NAALADL2: variants seen among roughly 807,000 people sequenced by gnomAD.
The protein encoded by NAALADL2 is N-acetylated alpha-linked acidic dipeptidase like 2, also known as inactive N-acetylated-alpha-linked acidic dipeptidase-like protein 2.
A neutral mutation model predicts 87.2 loss-of-function variants in NAALADL2; 76 were observed. The observed-to-expected ratio is 0.87, with a 90% CI of 0.72 to 1.05. The LOEUF is 1.05. Among genes scored for constraint, NAALADL2 ranks in the 50% least tolerant of loss-of-function variants. The probability of loss-of-function intolerance (pLI) is 0.00; values close to 1 mark genes in which losing one functional copy is unlikely to be tolerated. For missense variants in NAALADL2, 1,089 were observed against 945.8 expected, an observed-to-expected ratio of 1.15 and a Z score of -1.99; for synonymous variants, 354 against 331.0, an observed-to-expected ratio of 1.07 and a Z score of -0.75.
At chr3:175,015,993 C>A (rs1750758546) in intron 1 of NAALADL2, among the ~76,000 whole-genome samples, 1 of 151,596 alleles carries the variant, frequency 6.6e-6, no homozygotes, top group South Asian at 2.1e-4. Context: ...GGGGGAGGAA[C>A]CTTTTCTTTG....
chr3:175,547,869 C>G (rs1029532251), intron 9 of NAALADL2, among the ~76,000 whole-genome samples: 6 of 151,950 alleles, frequency 3.9e-5, no homozygotes, highest in African/African-American at 1.5e-4. Context: ...TCATACCAGT[C>G]ATAATGGCTA....
chr3:175,315,827 C>G (rs762370635), intron 4 of NAALADL2, among the ~76,000 whole-genome samples: 14 of 152,090 alleles, frequency 9.2e-5, no homozygotes, highest in Non-Finnish European at 1.8e-4. Flanking sequence ...AATGTTCTTA[C>G]TATATATTCC....
chr3:174,763,141 T>TAA (rs11391398), intron 3 of NAALADL2, among the ~76,000 whole-genome samples: 15,443 of 148,460 alleles, frequency 0.1, 980 homozygotes, highest in Non-Finnish European at 0.14. Flanking sequence ...CTTATTTTAC[T>TAA]AAAAAAAAAA....
intron 2 of NAALADL2, among the ~76,000 whole-genome samples, chr3:175,108,789 G>C (rs929095726): frequency 6.6e-6 from 1 of 151,870 alleles, no homozygotes; most frequent in Non-Finnish European, 1.5e-5. Flanking sequence ...AATATGCCTT[G>C]CTATTTCATG....
chr3:174,644,243 A>C (rs1163818036), intron 2 of NAALADL2, among the ~76,000 whole-genome samples: 1 of 152,244 alleles, frequency 6.6e-6, no homozygotes, highest in Non-Finnish European at 1.5e-5. Flanking sequence ...CCTACTGTTG[A>C]TCAGAAGCCT....
At chr3:174,564,279 G>C (rs1713973937) in intron 2 of NAALADL2, among the ~76,000 whole-genome samples, 1 of 152,090 alleles carries the variant, frequency 6.6e-6, no homozygotes, top group South Asian at 2.1e-4. Context: ...GCTCTGGATT[G>C]GTTTACATCC....
At chr3:174,959,959 G>T (rs573852115) in intron 1 of NAALADL2, among the ~76,000 whole-genome samples, 1 of 152,032 alleles carries the variant, frequency 6.6e-6, no homozygotes, top group Admixed American at 6.6e-5. Flanking sequence ...TCCCTTAAAG[G>T]TCCTGTTCAC....
At chr3:175,553,493 C>T (rs996759662) in intron 9 of NAALADL2, among the ~76,000 whole-genome samples, 1 of 152,026 alleles carries the variant, frequency 6.6e-6, no homozygotes, top group African/African-American at 2.4e-5. Flanking sequence ...TCCCACATGA[C>T]TCTTGTTTTT....
chr3:175,436,480 G>C (rs921067867), intron 5 of NAALADL2, among the ~76,000 whole-genome samples: 1 of 144,232 alleles, frequency 6.9e-6, no homozygotes, highest in Non-Finnish European at 1.5e-5. Flanking sequence ...GTGTAAAAGT[G>C]TTCCTATTTC....
At chr3:175,612,381 C>T (rs1724763023) in intron 10 of NAALADL2, among the ~76,000 whole-genome samples, 1 of 152,066 alleles carries the variant, frequency 6.6e-6, no homozygotes, top group South Asian at 2.1e-4. Flanking sequence ...TCTAGATAAG[C>T]TGTTGTTCCT....
chr3:175,406,069 A>C (rs1245551714), intron 5 of NAALADL2, among the ~76,000 whole-genome samples: 1 of 152,248 alleles, frequency 6.6e-6, no homozygotes, highest in Non-Finnish European at 1.5e-5. Flanking sequence ...CCGGTGTTGC[A>C]GTACAGATAC....
rs567565533 is a variant in NAALADL2 at position 175,570,652 on chromosome 3, G to A, written c.1654-5389G>A. Among the ~76,000 whole-genome samples, 11 of 152,086 alleles carry A rather than the reference G, an allele frequency of 7.2e-5. No individual in the cohort carries two copies. The East Asian group carries it at 7.8e-4, about 11-fold the overall frequency. ...TCCCAGCACTTTGGGAAGCCGAGGC[G>A]GGCGGATCACGAGGTCAGGAGATCG... On this transcript the variant is annotated intron_variant, in intron 9 of 13. Coordinates refer to ENST00000454872, the MANE Select transcript of NAALADL2 (RefSeq NM_207015.3).
chr3:174,453,699 T>C (rs1219327487), intron 1 of NAALADL2, among the ~76,000 whole-genome samples: 2 of 152,198 alleles, frequency 1.3e-5, no homozygotes, highest in African/African-American at 4.8e-5. Context: ...ATCCTTTTCA[T>C]AGAAGCAAAT....
intron 2 of NAALADL2, among the ~76,000 whole-genome samples, chr3:174,729,514 C>T (rs946303538): frequency 6.6e-6 from 1 of 151,920 alleles, no homozygotes; most frequent in African/African-American, 2.4e-5. Flanking sequence ...CTAGAAGAGA[C>T]AGTTTCCAGA....
intron 1 of NAALADL2, among the ~76,000 whole-genome samples, chr3:175,017,113 G>C (rs993990970): frequency 2.8e-4 from 42 of 151,772 alleles, no homozygotes; most frequent in Non-Finnish European, 1.8e-4. Flanking sequence ...GAATGGGTGT[G>C]GTAGAAATAA....
intron 1 of NAALADL2, among the ~76,000 whole-genome samples, chr3:174,907,068 A>G (rs1339542974): frequency 6.6e-6 from 1 of 152,084 alleles, no homozygotes; most frequent in African/African-American, 2.4e-5. Flanking sequence ...CCCCTAGACC[A>G]TCTTTGTCAT....
At position 175,150,481 on chromosome 3, in the gene NAALADL2, T is replaced by C. The variant is rs111489342; in HGVS notation, c.545+53190T>C. Among the ~76,000 whole-genome samples the C allele has an allele frequency of 4.6e-3, 705 of 152,284 alleles. 4 individuals carry two copies. The highest frequency in any genetic ancestry group is 0.016 in the African/African-American group (682 of 41,566). The stretch of plus-strand genomic sequence containing the variant: ...AGGTGCCAGTGCATCTATATGTTGT[T>C]TGTCTTTTGGAGCAATATCTTATAT... On this transcript the variant is annotated intron_variant, in intron 2 of 13. Transcript: ENST00000454872.
chr3:175,308,328 T>C (rs1039679157), intron 4 of NAALADL2, among the ~76,000 whole-genome samples: 8 of 151,956 alleles, frequency 5.3e-5, no homozygotes, highest in African/African-American at 1.9e-4. Flanking sequence ...TACGTCTAAG[T>C]ATCTGTTTTC....
intron 2 of NAALADL2, among the ~76,000 whole-genome samples, chr3:174,637,510 A>G (rs772539993): frequency 4.0e-4 from 61 of 151,960 alleles, no homozygotes; most frequent in Non-Finnish European, 7.5e-4. Flanking sequence ...GGTTAGAAAA[A>G]AAATAAAACA....
Sources: allele counts gnomAD v4.1 joint callset (sites outside exome capture counted in the v4.1 genomes callset), GRCh38; gene constraint gnomAD v4.1.1; transcripts MANE v1.5; gene names NCBI Gene and HGNC (gene_info 2026-07-23, HGNC 2026-07-21).